Variants in CLEC19A observed in about 807,000 individuals in gnomAD.
CLEC19A encodes the protein C-type lectin domain containing 19A, also known as C-type lectin domain family 19 member A.
In CLEC19A, 21 loss-of-function variants were observed where a neutral mutation model predicts 26.1. The ratio of observed to expected loss-of-function variants is 0.80; its 90% CI spans 0.57 to 1.16. CLEC19A has a LOEUF of 1.16. CLEC19A is among the 50% of genes most tolerant of loss of function. CLEC19A has a pLI of 0.00. For synonymous variants in CLEC19A, 89 were observed against 88.6 expected, an observed-to-expected ratio of 1.00 and a Z score of -0.03; for missense variants, 224 against 227.6, an observed-to-expected ratio of 0.98 and a Z score of 0.10.
At chr16:19,308,967 G>A (rs1898011378) in intron 4 of CLEC19A, 37 bp from the exon 5 acceptor site, 3 of 1,526,802 alleles carry the variant, frequency 2.0e-6, no homozygotes, top group South Asian at 1.2e-5. Context: ...TTGGCGGATG[G>A]ATTTTCACCC....
chr16:19,289,415 G>A (rs1200198652), intron 1 of CLEC19A, among the ~76,000 whole-genome samples: 1 of 152,180 alleles, frequency 6.6e-6, no homozygotes, highest in Non-Finnish European at 1.5e-5. Context: ...GTGTTTAATA[G>A]ATTTATTTCA....
rs533469238 is a variant in CLEC19A at position 19,310,522 on chromosome 16, A to C, written c.*1439A>C. On this transcript the variant is annotated 3_prime_UTR_variant, in exon 5 of 5. Coordinates refer to ENST00000636231, the MANE Select transcript of CLEC19A (RefSeq NM_001256720.2). ...CACAGCAGCATTATTGATAAAAACC[A>C]CAAAAAAAATGAAGACAACCCAAGT... is the stretch of plus-strand genomic sequence containing the variant. 1.3e-5 allele frequency: 2 copies of C among 152,170 alleles called. No individual in the cohort carries two copies. Among genetic ancestry groups the C allele is most frequent in the Non-Finnish European group, 2.9e-5 (2 of 68,040 alleles). 9.4% of individuals were successfully genotyped at this position (152,170 alleles called of 1,614,324 possible).
intron 1 of CLEC19A, among the ~76,000 whole-genome samples, chr16:19,290,485 G>C (rs1036985808): frequency 2.0e-5 from 3 of 151,934 alleles, no homozygotes; most frequent in Non-Finnish European, 4.4e-5. Context: ...CCTCCCCCCG[G>C]AACACTCTTT....
intron 4 of CLEC19A, among the ~76,000 whole-genome samples, chr16:19,308,797 T>C (rs1032235046): frequency 2.0e-5 from 3 of 152,190 alleles, no homozygotes; most frequent in African/African-American, 7.2e-5. Flanking sequence ...TGGCTGAAGT[T>C]CATCCTCCCA....
chr16:19,289,177 T>C (rs150340868), intron 1 of CLEC19A, among the ~76,000 whole-genome samples: 130 of 152,270 alleles, frequency 8.5e-4, no homozygotes, highest in African/African-American at 2.8e-3. Context: ...TCCTACCTCC[T>C]AGAGCAGCCC....
intron 1 of CLEC19A, among the ~76,000 whole-genome samples, chr16:19,295,599 T>C (rs1026454766): frequency 2.6e-5 from 4 of 152,088 alleles, no homozygotes; most frequent in African/African-American, 9.7e-5. Flanking sequence ...GGGTGCCAAG[T>C]AATTTTAGGA....
intron 1 of CLEC19A, among the ~76,000 whole-genome samples, chr16:19,297,027 G>A (rs927331673): frequency 2.0e-5 from 3 of 152,184 alleles, no homozygotes; most frequent in African/African-American, 7.2e-5. Flanking sequence ...ATCCAACCTA[G>A]TATGAGAAAG....
Position 19,304,048 on chromosome 16 carries a change from T to C in CLEC19A, c.255-14T>C. ...GCCATGAGGAATCAGCTACTATTATTCTTAAATTCGCAGCTGGGAGGAGAA... is the reference window on the plus strand; with the variant it reads ...GCCATGAGGAATCAGCTACTATTATCCTTAAATTCGCAGCTGGGAGGAGAA... On this transcript the variant is annotated splice_polypyrimidine_tract_variant and intron_variant, in intron 2 of 4. Coordinates refer to ENST00000636231, the MANE Select transcript of CLEC19A (RefSeq NM_001256720.2). 6.5e-7 allele frequency: 1 copy of C among 1,543,304 alleles called. No individual in the cohort carries two copies. The highest frequency in any genetic ancestry group is 8.8e-7 in the Non-Finnish European group (1 of 1,141,178).
At chr16:19,303,048 A>G (rs1296601167) in intron 2 of CLEC19A, among the ~76,000 whole-genome samples, 1 of 152,230 alleles carries the variant, frequency 6.6e-6, no homozygotes, top group Non-Finnish European at 1.5e-5. Context: ...CTGGGTCATA[A>G]TGAAGGCAAT....
chr16:19,298,941 C>A, intron 2 of CLEC19A, 103 bp downstream of exon 2: 1 of 1,283,948 alleles, frequency 7.8e-7, no homozygotes, highest in Non-Finnish European at 1.0e-6. Flanking sequence ...GTAATTGAAA[C>A]TATTTGAAAA....
At chr16:19,300,864 T>G (rs1897804527) in intron 2 of CLEC19A, among the ~76,000 whole-genome samples, 1 of 152,148 alleles carries the variant, frequency 6.6e-6, no homozygotes, top group African/African-American at 2.4e-5. Flanking sequence ...GTTGGAGCCA[T>G]GGAGGAGAGG....
intron 1 of CLEC19A, among the ~76,000 whole-genome samples, chr16:19,290,008 G>T (rs890922674): frequency 2.0e-5 from 3 of 152,188 alleles, no homozygotes; most frequent in Non-Finnish European, 4.4e-5. Flanking sequence ...CCTCCTGGCT[G>T]GGTCCCAAGA....
chr16:19,294,183 G>C (rs1897653418), intron 1 of CLEC19A, among the ~76,000 whole-genome samples: 1 of 151,916 alleles, frequency 6.6e-6, no homozygotes, highest in Non-Finnish European at 1.5e-5. Flanking sequence ...AAGACAAAGA[G>C]AGCAGAGACG....
intron 1 of CLEC19A, among the ~76,000 whole-genome samples, chr16:19,295,329 A>C (rs892862421): frequency 1.3e-4 from 19 of 151,958 alleles, no homozygotes; most frequent in African/African-American, 3.1e-4. Context: ...CCCACCTCAG[A>C]GTAGCTAGGA....
intron 1 of CLEC19A, among the ~76,000 whole-genome samples, chr16:19,290,182 C>G (rs1371877315): frequency 6.6e-6 from 1 of 152,124 alleles, no homozygotes; most frequent in Non-Finnish European, 1.5e-5. Flanking sequence ...CTTTTCCTAA[C>G]AAGCTCAGAA....
chr16:19,303,804 G>A (rs1006808087), intron 2 of CLEC19A: 1 of 373,282 alleles, frequency 2.7e-6, no homozygotes, highest in Non-Finnish European at 4.9e-6. Context: ...ATTTGCTAGT[G>A]TTTTTGAGAT....
chr16:19,294,478 T>C (rs1387454178), intron 1 of CLEC19A, among the ~76,000 whole-genome samples: 1 of 152,182 alleles, frequency 6.6e-6, no homozygotes, highest in East Asian at 1.9e-4. Flanking sequence ...AAGCAGGGAA[T>C]TGAAACTTGA....
chr16:19,301,650 G>A (rs987943378), intron 2 of CLEC19A, among the ~76,000 whole-genome samples: 5 of 150,314 alleles, frequency 3.3e-5, no homozygotes, highest in African/African-American at 1.2e-4. Flanking sequence ...TGCAACCTCC[G>A]CCTCCTGGGT....
intron 2 of CLEC19A, among the ~76,000 whole-genome samples, chr16:19,301,832 C>T (rs761241263): frequency 5.0e-5 from 7 of 138,722 alleles, no homozygotes; most frequent in Non-Finnish European, 9.2e-5. Flanking sequence ...ACCTCGTGAT[C>T]TGCCTCCCTC....
Sources: gnomAD v4.1 joint callset for allele counts (sites outside exome capture counted in the v4.1 genomes callset) on GRCh38, gnomAD v4.1.1 for gene constraint, MANE v1.5 for transcripts, NCBI Gene and HGNC (gene_info 2026-07-23, HGNC 2026-07-21) for gene names.